The following ADGRL2 variants were observed in gnomAD, a reference collection of about 807,000 sequenced individuals.
The protein encoded by ADGRL2 is calcium-independent alpha-latrotoxin receptor 2.
In ADGRL2, 44 loss-of-function variants were observed where a neutral mutation model predicts 157.4. The ratio of observed to expected loss-of-function variants is 0.28; its 90% CI spans 0.22 to 0.36. The LOEUF is 0.36. ADGRL2 is among the 10% of genes least tolerant of loss of function. ADGRL2 has a pLI of 1.00. For missense variants in ADGRL2, 1,510 were observed against 1,768.9 expected (o/e 0.85, Z 2.63); for synonymous variants, 585 against 624.7 (o/e 0.94, Z 0.95).
intron 2 of ADGRL2, among the ~76,000 whole-genome samples, chr1:81,470,158 C>T (rs1330003503): frequency 6.6e-6 from 1 of 152,172 alleles, no homozygotes; most frequent in African/African-American, 2.4e-5. Flanking sequence ...CAGAATCATC[C>T]AAAGAGCCAG....
chr1:81,854,309 A>G (rs2093125949), intron 2 of ADGRL2, among the ~76,000 whole-genome samples: 1 of 152,080 alleles, frequency 6.6e-6, no homozygotes, highest in African/African-American at 2.4e-5. Context: ...AGTCATTTGT[A>G]TTGACTTGGT....
intron 2 of ADGRL2, among the ~76,000 whole-genome samples, chr1:81,793,876 CTTTA>C (rs2087465247): frequency 1.3e-5 from 2 of 152,072 alleles, no homozygotes; most frequent in Non-Finnish European, 2.9e-5. Context: ...TTTTCAGATT[CTTTA>C]TTTGATTACC....
intron 2 of ADGRL2, among the ~76,000 whole-genome samples, chr1:81,482,756 C>A (rs987859947): frequency 5.3e-5 from 8 of 151,858 alleles, no homozygotes; most frequent in African/African-American, 1.9e-4. Context: ...TATAGGTTAT[C>A]ATTCTGTCTT....
Position 81,953,009 on chromosome 1 carries a change from G to T in ADGRL2, c.1817G>T (p.Cys606Phe). ...YNKLQKREKTCRAYLKAIVDT... is the reference protein window; with the variant it reads ...YNKLQKREKTFRAYLKAIVDT... ...AAGCTCCAAAAACGAGAGAAGACAT[G>T]CAGGGCTTACCTTAAGGTATCTCTC... The change falls in exon 10 of 24, where the codon TGC becomes TTC. Residue 606 changes from cysteine (C) to phenylalanine (F), a missense_variant. By Grantham distance (205) the Cys-to-Phe change is radical (BLOSUM62 -2). Transcript: ENST00000686636. 6.2e-7 allele frequency: 1 copy of T among 1,611,832 alleles called. No individual in the cohort carries two copies. The highest frequency in any genetic ancestry group is 8.5e-7 in the Non-Finnish European group (1 of 1,179,226).
At chr1:81,485,312 T>A (rs1041249112) in intron 2 of ADGRL2, among the ~76,000 whole-genome samples, 1 of 151,900 alleles carries the variant, frequency 6.6e-6, no homozygotes, top group African/African-American at 2.4e-5. Flanking sequence ...TAAGAGAAGA[T>A]CCCCTGCAAA....
At chr1:81,948,162 A>G (rs903193697) in intron 6 of ADGRL2, among the ~76,000 whole-genome samples, 3 of 151,542 alleles carry the variant, frequency 2.0e-5, no homozygotes, top group African/African-American at 7.3e-5. Context: ...GGTTGCAGTG[A>G]GCCGAGACCA....
At chr1:81,454,820 A>C (rs2077770571) in intron 2 of ADGRL2, among the ~76,000 whole-genome samples, 1 of 152,172 alleles carries the variant, frequency 6.6e-6, no homozygotes, top group Non-Finnish European at 1.5e-5. Context: ...AGATTTGCTT[A>C]AACGTTTTAG....
chr1:81,681,716 T>A (rs1326206859), intron 3 of ADGRL2, among the ~76,000 whole-genome samples: 1 of 152,166 alleles, frequency 6.6e-6, no homozygotes, highest in Non-Finnish European at 1.5e-5. Flanking sequence ...GGGGAATTGT[T>A]TTCCTCACCA....
chr1:81,477,331 T>A (rs1384570502), intron 2 of ADGRL2, among the ~76,000 whole-genome samples: 1 of 152,210 alleles, frequency 6.6e-6, no homozygotes, highest in East Asian at 1.9e-4. Context: ...CAGCCAATAA[T>A]ATTTTCATGC....
chr1:81,713,964 A>C (rs895033613), intron 1 of ADGRL2, among the ~76,000 whole-genome samples: 1 of 152,216 alleles, frequency 6.6e-6, no homozygotes, highest in African/African-American at 2.4e-5. Context: ...AGGCCTCACA[A>C]TCATGGCAGA....
intron 19 of ADGRL2, 40 bp downstream of exon 19, chr1:81,982,016 T>A: frequency 6.5e-7 from 1 of 1,527,874 alleles, no homozygotes; most frequent in Non-Finnish European, 9.0e-7. Context: ...GGTTACTCAT[T>A]CTTTGATTTG....
At chr1:81,528,033 C>G (rs144107233) in intron 2 of ADGRL2, among the ~76,000 whole-genome samples, 3,059 of 152,080 alleles carry the variant, frequency 0.02, 104 homozygotes, top group African/African-American at 0.069. Context: ...CGTCACTGCA[C>G]TCCAGTCTGG....
chr1:81,397,814 G>A (rs962687419), intron 1 of ADGRL2, among the ~76,000 whole-genome samples: 2 of 152,190 alleles, frequency 1.3e-5, no homozygotes, highest in East Asian at 1.9e-4. Flanking sequence ...TTCTGTAAAT[G>A]TCTGGTATTA....
At chr1:81,728,203 A>G (rs2084602710) in intron 1 of ADGRL2, among the ~76,000 whole-genome samples, 1 of 152,114 alleles carries the variant, frequency 6.6e-6, no homozygotes, top group Non-Finnish European at 1.5e-5. Flanking sequence ...GTGTCCAATC[A>G]TGCTTACTTA....
Position 81,764,605 on chromosome 1 carries a change from C to A in ADGRL2, c.-101+2753C>A, listed in dbSNP as rs190093239. On this transcript the variant is annotated intron_variant, in intron 2 of 20. Transcript: ENST00000359929. Reference sequence around the variant, plus strand: ...ATAAACTAGAAGGATTACTATAAAACCTAGGAGAGACTAGGAGGAATGCAT... The same window carrying A: ...ATAAACTAGAAGGATTACTATAAAAACTAGGAGAGACTAGGAGGAATGCAT... 2.0e-3 allele frequency among the ~76,000 whole-genome samples: 304 copies of A among 152,088 alleles called. 1 individual carries two copies. The highest frequency in any genetic ancestry group is 6.6e-3 in the African/African-American group (276 of 41,506).
intron 2 of ADGRL2, among the ~76,000 whole-genome samples, chr1:81,904,788 TC>T (rs2094553986): frequency 6.6e-6 from 1 of 152,022 alleles, no homozygotes; most frequent in Non-Finnish European, 1.5e-5. Context: ...ATGCCTGTAA[TC>T]CTAGCTACTC....
chr1:81,520,421 T>C (rs2079286337), intron 2 of ADGRL2, among the ~76,000 whole-genome samples: 3 of 151,940 alleles, frequency 2.0e-5, no homozygotes, highest in African/African-American at 7.3e-5. Context: ...CTTAAACACC[T>C]TTTAAAGTCT....
intron 2 of ADGRL2, among the ~76,000 whole-genome samples, chr1:81,564,808 A>T (rs1157281656): frequency 6.6e-6 from 1 of 152,142 alleles, no homozygotes; most frequent in Non-Finnish European, 1.5e-5. Flanking sequence ...CTCAGAGGAT[A>T]TTGAGGACTA....
rs1429152589 is a variant in ADGRL2 at position 81,427,488 on chromosome 1, T to C, written c.-301-17548T>C. On this transcript the variant is annotated intron_variant, in intron 1 of 24. Transcript: ENST00000370721. The stretch of plus-strand genomic sequence containing the variant: ...ACTATAATGATTTTGGAAATTATAG[T>C]GGACAACAGCAATCAAATTACGAAC... 1.2e-5 allele frequency: 9 copies of C among 754,086 alleles called. 1 individual carries two copies. In the Middle Eastern group the frequency reaches 1.4e-3, roughly 115 times the overall value. 46.7% of individuals were successfully genotyped at this position (754,086 alleles called of 1,614,324 possible). A position where few individuals can be genotyped will look rare whatever the true frequency, so the allele number is the denominator to read the frequency against.
Sources: gnomAD v4.1 joint callset for allele counts (sites outside exome capture counted in the v4.1 genomes callset) on GRCh38, gnomAD v4.1.1 for gene constraint, MANE v1.5 for transcripts, NCBI Gene and HGNC (gene_info 2026-07-23, HGNC 2026-07-21) for gene names.